Variants in PKP1 observed in about 807,000 individuals in gnomAD.
PKP1 encodes plakophilin 1, also known as plakophilin-1.
In PKP1, 27 loss-of-function variants were observed where a neutral mutation model predicts 76.4. The ratio of observed to expected loss-of-function variants is 0.35; its 90% confidence interval spans 0.26 to 0.49. The LOEUF is 0.49. Ranked by LOEUF, PKP1 falls within the 20% of genes least tolerant of loss-of-function variation. The probability of loss-of-function intolerance (pLI) is 0.99; values close to 1 mark genes in which losing one functional copy is unlikely to be tolerated. For synonymous variants in PKP1, 404 were observed against 384.2 expected (o/e 1.05, Z -0.60); for missense variants, 964 against 955.2 (o/e 1.01, Z -0.12).
intron 2 of PKP1, among the ~76,000 whole-genome samples, chr1:201,295,480 G>A (rs1656045813): frequency 6.6e-6 from 1 of 152,186 alleles, no homozygotes; most frequent in African/African-American, 2.4e-5. Context: ...TTTACACAAA[G>A]GGTGATGACC....
chr1:201,299,997 C>T (rs958043111), intron 2 of PKP1, among the ~76,000 whole-genome samples: 1 of 152,262 alleles, frequency 6.6e-6, no homozygotes, highest in African/African-American at 2.4e-5. Flanking sequence ...GGCATGGATC[C>T]TGCTCCAAGA....
chr1:201,288,342 T>C (rs947983806), intron 1 of PKP1, among the ~76,000 whole-genome samples: 4 of 152,206 alleles, frequency 2.6e-5, no homozygotes, highest in Admixed American at 2.6e-4. Context: ...CGTGTCTCTC[T>C]CGTAAACATC....
At position 201,293,882 on chromosome 1, in the gene PKP1, G is replaced by A. The variant is rs954830179; in HGVS notation, c.203-60G>A. 5.4e-6 allele frequency: 6 copies of A among 1,110,366 alleles called. No individual in the cohort carries two copies. In the African/African-American group the frequency reaches 9.2e-5, roughly 17 times the overall value. 68.8% of individuals were successfully genotyped at this position (1,110,366 alleles called of 1,614,324 possible). ...CTGGATGCAGAAGTGATGCCCTGAG[G>A]AACAGGGGTGGATGAAGATCATGGC... On this transcript the variant is annotated intron_variant, in intron 1 of 13. Coordinates refer to ENST00000367324, the MANE Select transcript of PKP1 (RefSeq NM_001005337.3).
intron 1 of PKP1, 71 bp from the exon 2 acceptor site, chr1:201,293,871 G>GA (rs1239584185): frequency 1.0e-6 from 1 of 988,990 alleles, no homozygotes; most frequent in African/African-American, 1.6e-5. Flanking sequence ...ATGCAGAAGT[G>GA]ATGCCCTGAG....
Position 201,325,846 on chromosome 1 carries a change from C to G in PKP1, c.2106+8C>G. 1 of 1,599,774 alleles carries G rather than the reference C, an allele frequency of 6.3e-7. No individual in the cohort carries two copies. Among genetic ancestry groups the G allele is most frequent in the Non-Finnish European group, 8.6e-7 (1 of 1,167,068 alleles). On this transcript the variant is annotated splice_region_variant and intron_variant, in intron 12 of 13. Coordinates refer to ENST00000367324, the MANE Select transcript of PKP1 (RefSeq NM_001005337.3). ...CAGGGTGTCCTCAGACAGGTAAGAG[C>G]CCAGGACATCATCCTCTTCTGAGGT...
In PKP1 at chr1:201,323,208, T is replaced by C; in HGVS notation, c.1680+19T>C. 1 of 1,610,610 alleles carries C rather than the reference T, an allele frequency of 6.2e-7. No homozygotes were observed. Among genetic ancestry groups the C allele is most frequent in the Non-Finnish European group, 8.5e-7 (1 of 1,177,534 alleles). Reference sequence around the variant, plus strand: ...GGGGCTGGTGAGTGGGACTGTACCTTCTCTACTGCAGCAGCCCCATCCTCC... The same window carrying C: ...GGGGCTGGTGAGTGGGACTGTACCTCCTCTACTGCAGCAGCCCCATCCTCC... On this transcript the variant is annotated intron_variant, in intron 9 of 13. Transcript: ENST00000367324.
At chr1:201,306,960 G>A (rs752268321) in intron 2 of PKP1, among the ~76,000 whole-genome samples, 48 of 152,164 alleles carry the variant, frequency 3.2e-4, no homozygotes, top group Non-Finnish European at 4.6e-4. Context: ...ATGAGCCACC[G>A]CACCTGGACT....
At chr1:201,318,297 G>A (rs60250966) in intron 5 of PKP1, among the ~76,000 whole-genome samples, 15,404 of 152,216 alleles carry the variant, frequency 0.1, 1,131 homozygotes, top group African/African-American at 0.22. Flanking sequence ...AAGAGACAGC[G>A]TTAGAAGACT....
chr1:201,287,694 C>A (rs1231275245), intron 1 of PKP1, among the ~76,000 whole-genome samples: 1 of 152,186 alleles, frequency 6.6e-6, no homozygotes, highest in African/African-American at 2.4e-5. Flanking sequence ...GGGTGTTTTG[C>A]AGCAAATGCT....
intron 12 of PKP1, chr1:201,328,351 G>A (rs1657211769): frequency 1.2e-5 from 4 of 329,926 alleles, no homozygotes; most frequent in East Asian, 7.9e-5. Context: ...GAAACAATGG[G>A]CATGTCCTCT....
At chr1:201,310,521 A>G (rs1167402450) in intron 2 of PKP1, among the ~76,000 whole-genome samples, 1 of 152,182 alleles carries the variant, frequency 6.6e-6, no homozygotes, top group Non-Finnish European at 1.5e-5. Context: ...TCAAGGCTGC[A>G]GGCTTCATCC....
chr1:201,324,684 C>A lies in PKP1; in HGVS notation c.1834+103C>A, dbSNP rs112148540. Reference sequence around the variant, plus strand: ...CCTTTAAGCCATTCCCTGGGATGAGCATTCCAAGAAAGGAAGCTGGCCAAA... The same window carrying A: ...CCTTTAAGCCATTCCCTGGGATGAGAATTCCAAGAAAGGAAGCTGGCCAAA... On this transcript the variant is annotated intron_variant, in intron 10 of 13. Coordinates refer to ENST00000367324, the MANE Select transcript of PKP1 (RefSeq NM_001005337.3). 4.2e-5 allele frequency: 60 copies of A among 1,441,332 alleles called. 2 individuals are homozygous for A. In the African/African-American group the frequency reaches 4.2e-4, roughly 10 times the overall value. 89.3% of individuals were successfully genotyped at this position (1,441,332 alleles called of 1,614,324 possible).
rs776324521 is a variant in PKP1, at chr1:201,322,045, G to A, written c.1415G>A (p.Arg472His). 29 of 1,613,680 alleles carry A rather than the reference G, an allele frequency of 1.8e-5. No individual in the cohort carries two copies. The African/African-American group carries it at 2.1e-4, about 12-fold the overall frequency. The change falls in exon 8 of 14, where the codon CGC (arginine) becomes CAC (histidine). Residue 472 changes from arginine to histidine, a missense_variant. Physicochemically the swap from Arg to His is conservative, Grantham distance 29. Transcript: ENST00000367324. ...SYRLDAEVPT[R>H]YRQLEYNARN... ...CGCCTGGACGCCGAGGTGCCCACCC[G>A]CTACCGCCAGCTGGAGTATAACGCC...
chr1:201,306,679 C>CT lies in PKP1; in HGVS notation c.307-6474dup, dbSNP rs3216545. On this transcript the variant is annotated intron_variant, in intron 2 of 13. Coordinates refer to ENST00000367324, the MANE Select transcript of PKP1 (RefSeq NM_001005337.3). ...CTGAGGATGGGCACCAAAACTTTTA[C>CT]TTTTTTTTTTTTTGAGACGGAGTCT... Among the ~76,000 whole-genome samples the CT allele has an allele frequency of 2.9e-3, 425 of 146,996 alleles. 1 individual carries two copies. Among genetic ancestry groups the CT allele is most frequent in the African/African-American group, 6.3e-3 (256 of 40,492 alleles).
intron 5 of PKP1, 114 bp from the exon 6 acceptor site, chr1:201,318,504 G>T: frequency 1.1e-6 from 1 of 883,600 alleles, no homozygotes; most frequent in Non-Finnish European, 1.9e-6. Flanking sequence ...GGGCTACCTG[G>T]AAAGCGACAT....
intron 2 of PKP1, among the ~76,000 whole-genome samples, chr1:201,300,593 G>C (rs865992818): frequency 2.0e-5 from 3 of 152,340 alleles, no homozygotes; most frequent in Middle Eastern, 3.4e-3. Context: ...TCCCGTGACT[G>C]TGTTGGGGAC....
At chr1:201,287,314 C>G (rs1288042772) in intron 1 of PKP1, among the ~76,000 whole-genome samples, 1 of 152,162 alleles carries the variant, frequency 6.6e-6, no homozygotes, top group African/African-American at 2.4e-5. Context: ...CATGCTTGTA[C>G]GAACTCCGCA....
At chr1:201,293,804 C>T in intron 1 of PKP1, 138 bp from the exon 2 acceptor site, 1 of 704,678 alleles carries the variant, frequency 1.4e-6, no homozygotes, top group Non-Finnish European at 2.6e-6. Context: ...ATGACATTCC[C>T]CACCTTCTCC....
At chr1:201,310,324 T>TG (rs1656509272) in intron 2 of PKP1, among the ~76,000 whole-genome samples, 1 of 152,214 alleles carries the variant, frequency 6.6e-6, no homozygotes. Context: ...GTTTTACAGA[T>TG]GGAAAAACTG....
Sources: gnomAD v4.1 joint callset for allele counts (sites outside exome capture counted in the v4.1 genomes callset) on GRCh38, gnomAD v4.1.1 for gene constraint, MANE v1.5 for transcripts, NCBI Gene and HGNC (gene_info 2026-07-23, HGNC 2026-07-21) for gene names.